METTL16: variants seen among roughly 807,000 people sequenced by gnomAD.
METTL16 encodes the protein RNA N(6)-adenosine-methyltransferase METTL16.
In METTL16, 19 loss-of-function variants were observed where a neutral mutation model predicts 57.9. The ratio of observed to expected loss-of-function variants is 0.33; its 90% CI spans 0.23 to 0.48. The LOEUF is 0.48. Ranked by LOEUF, METTL16 falls within the 20% of genes least tolerant of loss-of-function variation. The pLI is 0.99. For missense variants in METTL16, 434 were observed against 691.5 expected (o/e 0.63, Z 4.18); for synonymous variants, 246 against 255.6 (o/e 0.96, Z 0.36).
At chr17:2,424,205 C>T (rs1307757317) in intron 8 of METTL16, 2 of 150,100 alleles carry the variant, frequency 1.3e-5, no homozygotes, top group African/African-American at 4.9e-5. Flanking sequence ...GCTCCGCCTC[C>T]CGGGTTCACG....
chr17:2,443,102 C>T (rs2066966129), intron 6 of METTL16, among the ~76,000 whole-genome samples: 1 of 152,130 alleles, frequency 6.6e-6, no homozygotes, highest in Non-Finnish European at 1.5e-5. Flanking sequence ...GATTTTCCCG[C>T]CTCAGCCTCC....
chr17:2,423,267 T>A (rs1042356480), intron 8 of METTL16, among the ~76,000 whole-genome samples: 1 of 70,988 alleles, frequency 1.4e-5, no homozygotes, highest in Non-Finnish European at 2.3e-5. Flanking sequence ...AAAGGGTGTG[T>A]GTGTGTGTGT....
chr17:2,496,651 C>T (rs1282201607), intron 2 of METTL16, among the ~76,000 whole-genome samples: 1 of 151,488 alleles, frequency 6.6e-6, no homozygotes, highest in Non-Finnish European at 1.5e-5. Context: ...CTCTGTAATT[C>T]CGTTTTAGGT....
chr17:2,440,589 A>T (rs1003722696), intron 7 of METTL16, among the ~76,000 whole-genome samples: 5 of 135,088 alleles, frequency 3.7e-5, no homozygotes, highest in African/African-American at 1.8e-4. Context: ...AACAGTAGAT[A>T]TATGAAAAAA....
chr17:2,479,147 TTTTG>T (rs1402627687), intron 2 of METTL16, among the ~76,000 whole-genome samples: 3 of 151,898 alleles, frequency 2.0e-5, no homozygotes. Flanking sequence ...GCAGGGTCTT[TTTTG>T]GTTTTTGTGG....
intron 2 of METTL16, among the ~76,000 whole-genome samples, chr17:2,489,664 G>T (rs191214503): frequency 4.6e-4 from 68 of 148,436 alleles, no homozygotes; most frequent in Middle Eastern, 3.5e-3. Flanking sequence ...GCTTGAACCT[G>T]AGAGGTGGAG....
intron 1 of METTL16, among the ~76,000 whole-genome samples, chr17:2,506,133 T>C (rs182313738): frequency 4.0e-4 from 61 of 152,054 alleles, no homozygotes; most frequent in Middle Eastern, 3.4e-3. Flanking sequence ...TTTTCCTCCC[T>C]CTCTTCAGTC....
At chr17:2,463,238 C>T (rs1474852804) in intron 6 of METTL16, among the ~76,000 whole-genome samples, 1 of 152,142 alleles carries the variant, frequency 6.6e-6, no homozygotes, top group African/African-American at 2.4e-5. Context: ...TGGGACAGAA[C>T]TGAACCCATC....
In METTL16 at chr17:2,497,226, G is replaced by A. The variant is rs575043983; in HGVS notation, c.128+4978C>T. Among the ~76,000 whole-genome samples the A allele has an allele frequency of 3.4e-5, 5 of 149,244 alleles. 1 individual carries two copies. The highest frequency in any genetic ancestry group is 1.3e-4 in the African/African-American group (5 of 39,998). On this transcript the variant is annotated intron_variant, in intron 2 of 9. Transcript: ENST00000263092. ...TCACCATGTTGGCCAGACTGGTCTC[G>A]AACTCCTGACCTCAGGTGATCCGCC...
intron 2 of METTL16, among the ~76,000 whole-genome samples, chr17:2,490,025 T>C (rs9303083): frequency 0.13 from 19,389 of 152,096 alleles, 1,343 homozygotes; most frequent in South Asian, 0.21. Flanking sequence ...ATATATTACG[T>C]TTGAAAAAGA....
At chr17:2,466,193 C>CAAAAA (rs35300433) in intron 5 of METTL16, among the ~76,000 whole-genome samples, 1 of 103,894 alleles carries the variant, frequency 9.6e-6, no homozygotes, top group African/African-American at 3.0e-5. Flanking sequence ...GACTCTGTCA[C>CAAAAA]AAAAAAAAAA....
At chr17:2,471,705 G>A (rs190600244) in intron 4 of METTL16, among the ~76,000 whole-genome samples, 1 of 152,146 alleles carries the variant, frequency 6.6e-6, no homozygotes, top group Non-Finnish European at 1.5e-5. Context: ...GGAGAATGGT[G>A]TGAACCCAGC....
intron 2 of METTL16, among the ~76,000 whole-genome samples, chr17:2,487,505 G>A (rs1038511549): frequency 4.6e-5 from 7 of 152,206 alleles, no homozygotes; most frequent in Admixed American, 3.3e-4. Context: ...CAGAGTGGAA[G>A]AAGGAAAACC....
At chr17:2,475,608 G>T (rs2151568780) in intron 3 of METTL16, among the ~76,000 whole-genome samples, 1 of 152,330 alleles carries the variant, frequency 6.6e-6, no homozygotes, top group African/African-American at 2.4e-5. Context: ...CCAAAGACTT[G>T]CACTCTAATA....
chr17:2,492,075 G>A (rs1402277954), intron 2 of METTL16, among the ~76,000 whole-genome samples: 2 of 151,242 alleles, frequency 1.3e-5, no homozygotes. Context: ...GCCGGGCGTG[G>A]TGGCGGGTGC....
intron 4 of METTL16, among the ~76,000 whole-genome samples, chr17:2,470,019 T>C (rs1360505340): frequency 6.6e-6 from 1 of 152,244 alleles, no homozygotes; most frequent in Non-Finnish European, 1.5e-5. Flanking sequence ...GTTAGGTTCC[T>C]ACAAGTCTCT....
chr17:2,503,340 C>T (rs546258510), intron 1 of METTL16, among the ~76,000 whole-genome samples: 9 of 151,834 alleles, frequency 5.9e-5, no homozygotes, highest in Non-Finnish European at 1.0e-4. Flanking sequence ...TATGAAAATA[C>T]GGTATATCCA....
chr17:2,502,086 C>T, intron 2 of METTL16, 118 bp downstream of exon 2: 1 of 1,060,388 alleles, frequency 9.4e-7, no homozygotes, highest in Middle Eastern at 2.2e-4. Flanking sequence ...GTGATTTGTC[C>T]AAGGTCGCAT....
chr17:2,456,946 CTT>C (rs746325149), intron 6 of METTL16, among the ~76,000 whole-genome samples: 38 of 143,570 alleles, frequency 2.6e-4, no homozygotes, highest in Non-Finnish European at 3.4e-4. Flanking sequence ...TGCACCCGGC[CTT>C]TTTTTTTTTT....
Sources: gnomAD v4.1 joint callset for allele counts (sites outside exome capture counted in the v4.1 genomes callset) on GRCh38, gnomAD v4.1.1 for gene constraint, MANE v1.5 for transcripts, NCBI Gene and HGNC (gene_info 2026-07-23, HGNC 2026-07-21) for gene names.